TAFA1: variants seen among roughly 807,000 people sequenced by gnomAD.
TAFA1 encodes the protein chemokine-like protein TAFA-1.
TAFA1 carries 4 observed loss-of-function variants against 18.5 expected under a neutral mutation model. The observed-to-expected ratio is 0.22, with a 90% confidence interval of 0.11 to 0.49. The LOEUF is 0.49. Among genes scored for constraint, TAFA1 ranks in the 20% least tolerant of loss-of-function variants. TAFA1 has a pLI of 0.98. For missense variants in TAFA1, 147 were observed against 169.0 expected (o/e 0.87, Z 0.72); for synonymous variants, 56 against 55.2 (o/e 1.01, Z -0.06).
chr3:68,118,989 CA>C (rs1559527021), intron 2 of TAFA1, among the ~76,000 whole-genome samples: 1 of 151,904 alleles, frequency 6.6e-6, no homozygotes, highest in East Asian at 1.9e-4. Context: ...TCATCCCCAC[CA>C]ACAGTGTACA....
intron 4 of TAFA1, among the ~76,000 whole-genome samples, chr3:68,540,995 G>A (rs2073363711): frequency 6.6e-6 from 1 of 152,144 alleles, no homozygotes; most frequent in Admixed American, 6.5e-5. Context: ...CCCTGGGTGG[G>A]CTGAATTCAA....
intron 2 of TAFA1, among the ~76,000 whole-genome samples, chr3:68,286,376 C>T (rs77790473): frequency 0.054 from 8,218 of 152,084 alleles, 606 homozygotes; most frequent in African/African-American, 0.16. Flanking sequence ...ACAGGAGCTC[C>T]TCACTGAAGT....
chr3:68,253,779 A>G (rs757808866), intron 2 of TAFA1, among the ~76,000 whole-genome samples: 3 of 152,204 alleles, frequency 2.0e-5, no homozygotes, highest in Non-Finnish European at 4.4e-5. Context: ...ATGTTTGTCT[A>G]ATGAGTGCAA....
Position 68,424,300 on chromosome 3 carries a change from T to C in TAFA1, c.259+6880T>C, listed in dbSNP as rs574174679. 7.9e-5 allele frequency among the ~76,000 whole-genome samples: 12 copies of C among 151,778 alleles called. No individual in the cohort carries two copies. In the East Asian group the frequency reaches 2.3e-3, roughly 30 times the overall value. On this transcript the variant is annotated intron_variant, in intron 3 of 4. Coordinates refer to ENST00000478136, the MANE Select transcript of TAFA1 (RefSeq NM_213609.4). ...GACCAGACAGTGAGAGAAAGAAACA[T>C]ACAAAGCATATGAGAAAGAGAGGGT...
At chr3:68,100,617 A>G (rs572355810) in intron 2 of TAFA1, among the ~76,000 whole-genome samples, 6 of 152,296 alleles carry the variant, frequency 3.9e-5, no homozygotes, top group Non-Finnish European at 8.8e-5. Context: ...TTCTTTTGTC[A>G]TTTATCATTC....
intron 2 of TAFA1, among the ~76,000 whole-genome samples, chr3:68,357,466 G>A (rs1282800504): frequency 1.3e-5 from 2 of 151,856 alleles, no homozygotes; most frequent in Non-Finnish European, 2.9e-5. Context: ...GGTTTGATTT[G>A]TTAGTTTTGG....
chr3:68,181,761 C>A (rs756732995), intron 2 of TAFA1, among the ~76,000 whole-genome samples: 20 of 152,160 alleles, frequency 1.3e-4, no homozygotes, highest in Non-Finnish European at 1.8e-4. Context: ...GTTGTGGGCT[C>A]TCTCAGCACA....
chr3:68,305,545 C>T (rs114194881), intron 2 of TAFA1, among the ~76,000 whole-genome samples: 3,346 of 147,386 alleles, frequency 0.023, 68 homozygotes, highest in Middle Eastern at 0.07. Flanking sequence ...TTCCTTGAAA[C>T]ATAATTTTCT....
At chr3:68,406,005 C>T (rs2070598936) in intron 2 of TAFA1, among the ~76,000 whole-genome samples, 1 of 152,050 alleles carries the variant, frequency 6.6e-6, no homozygotes, top group Non-Finnish European at 1.5e-5. Context: ...AATTACTTTT[C>T]ATATACAATC....
chr3:68,395,998 T>A (rs1468297002), intron 2 of TAFA1, among the ~76,000 whole-genome samples: 1 of 152,012 alleles, frequency 6.6e-6, no homozygotes, highest in South Asian at 2.1e-4. Flanking sequence ...TGTTTGAGAG[T>A]GTCTGTGTCT....
At chr3:68,191,465 T>G (rs1039470827) in intron 2 of TAFA1, among the ~76,000 whole-genome samples, 1 of 151,840 alleles carries the variant, frequency 6.6e-6, no homozygotes. Context: ...TGTGGCACAC[T>G]AACGATGCTA....
At chr3:68,270,433 A>G (rs1195065956) in intron 2 of TAFA1, among the ~76,000 whole-genome samples, 4 of 152,180 alleles carry the variant, frequency 2.6e-5, no homozygotes, top group Non-Finnish European at 5.9e-5. Flanking sequence ...AAGTTAGAAA[A>G]TATTTGGTTT....
chr3:68,477,983 C>T (rs1217336906), intron 3 of TAFA1, among the ~76,000 whole-genome samples: 1 of 152,080 alleles, frequency 6.6e-6, no homozygotes, highest in Non-Finnish European at 1.5e-5. Flanking sequence ...TTCCCCTATT[C>T]ATGAGAGATT....
chr3:68,182,650 T>G (rs769593575), intron 2 of TAFA1, among the ~76,000 whole-genome samples: 3 of 152,156 alleles, frequency 2.0e-5, no homozygotes, highest in Non-Finnish European at 2.9e-5. Context: ...AACACTCTTT[T>G]AAAGTACTTG....
intron 2 of TAFA1, among the ~76,000 whole-genome samples, chr3:68,269,703 C>A (rs2067624905): frequency 6.6e-6 from 1 of 152,052 alleles, no homozygotes; most frequent in African/African-American, 2.4e-5. Context: ...AGTGGGATCA[C>A]CAGAGGCCAG....
At chr3:68,463,829 C>A (rs2071832172) in intron 3 of TAFA1, among the ~76,000 whole-genome samples, 2 of 152,058 alleles carry the variant, frequency 1.3e-5, no homozygotes, top group Admixed American at 6.6e-5. Context: ...TGGACCATAG[C>A]ATTTACAGGC....
At chr3:68,500,735 C>T (rs2668171) in intron 3 of TAFA1, among the ~76,000 whole-genome samples, 1 of 151,964 alleles carries the variant, frequency 6.6e-6, no homozygotes, top group Non-Finnish European at 1.5e-5. Flanking sequence ...TATTCCTACC[C>T]TAAGCAATCA....
At chr3:68,065,032 T>C (rs1234874578) in intron 2 of TAFA1, among the ~76,000 whole-genome samples, 1 of 152,124 alleles carries the variant, frequency 6.6e-6, no homozygotes, top group Non-Finnish European at 1.5e-5. Flanking sequence ...AAATCATGTA[T>C]AAGGCTATAG....
chr3:68,483,488 A>G (rs1050129545), intron 3 of TAFA1, among the ~76,000 whole-genome samples: 6 of 152,178 alleles, frequency 3.9e-5, no homozygotes, highest in Non-Finnish European at 7.3e-5. Context: ...TTAAGAAGTT[A>G]TATTTAGCTT....
Sources: gnomAD v4.1 joint callset for allele counts (sites outside exome capture counted in the v4.1 genomes callset) on GRCh38, gnomAD v4.1.1 for gene constraint, MANE v1.5 for transcripts, NCBI Gene and HGNC (gene_info 2026-07-23, HGNC 2026-07-21) for gene names.